SFXN3: variants seen among roughly 807,000 people sequenced by gnomAD.
SFXN3 encodes sideroflexin 3.
In SFXN3, 31 loss-of-function variants were observed where a neutral mutation model predicts 40.4. The ratio of observed to expected loss-of-function variants is 0.77; its 90% CI spans 0.58 to 1.04. SFXN3 has a LOEUF of 1.04. Ranked by LOEUF, SFXN3 falls within the 50% of genes least tolerant of loss-of-function variation. The pLI, the probability that SFXN3 is intolerant of heterozygous loss-of-function variation, is 0.00. For missense variants in SFXN3, 366 were observed against 408.2 expected (o/e 0.90, Z 0.89); for synonymous variants, 157 against 160.0 (o/e 0.98, Z 0.14).
In SFXN3 at chr10:101,039,854, T is replaced by C; in HGVS notation, c.*269T>C. On this transcript the variant is annotated 3_prime_UTR_variant, in exon 12 of 12. Transcript: ENST00000393459. This position sits in a 1 kb window ranked among gnomAD's most constrained non-coding sequence, Gnocchi z 4.6. ...CATGATACACATGTGTATGTGTACA[T>C]TGGGTCCTGAAAGCTAGAAGCAGGC... 1 of 452,224 alleles carries C rather than the reference T, an allele frequency of 2.2e-6. No individual in the cohort carries two copies. The highest frequency in any genetic ancestry group is 4.0e-6 in the Non-Finnish European group (1 of 249,018). 28.0% of individuals were successfully genotyped at this position (452,224 alleles called of 1,614,324 possible).
At chr10:101,038,229 G>T (rs1408238160) in intron 9 of SFXN3, 2 of 1,098,598 alleles carry the variant, frequency 1.8e-6, no homozygotes, top group African/African-American at 1.6e-5. Flanking sequence ...GGTGGTCCCT[G>T]TGGCCAGAGC....
Position 101,036,964 on chromosome 10 carries a change from C to T in SFXN3, c.594-112C>T. ...ACCCTGGGATCCTCAGGTGGGAGAA[C>T]CAGCCTTTGAGCCTGGGGTGTGTGA... is the stretch of plus-strand genomic sequence containing the variant. On this transcript the variant is annotated intron_variant, in intron 7 of 11. Coordinates refer to ENST00000393459, the Ensembl canonical transcript of SFXN3. The surrounding 1 kb of genome is among the most constrained non-coding windows in gnomAD (Gnocchi z 4.2). 1 of 1,531,572 alleles carries T rather than the reference C, an allele frequency of 6.5e-7. No individual in the cohort carries two copies. The highest frequency in any genetic ancestry group is 1.2e-5 in the South Asian group (1 of 80,040). The allele number at this position is 1,531,572 out of a possible 1,614,324, so 94.9% of individuals were successfully genotyped here.
intron 9 of SFXN3, chr10:101,037,873 T>C (rs1291189939): frequency 2.9e-6 from 3 of 1,048,616 alleles, no homozygotes; most frequent in Non-Finnish European, 3.5e-6. Flanking sequence ...TTGAGTGCCA[T>C]GCACCAGGCA....
In SFXN3 at chr10:101,039,235, C is replaced by T; in HGVS notation, c.869+13C>T. The T allele has an allele frequency of 6.2e-7, 1 of 1,602,554 alleles. No individual in the cohort carries two copies. Among genetic ancestry groups the T allele is most frequent in the South Asian group, 1.1e-5 (1 of 89,388 alleles). On this transcript the variant is annotated intron_variant, in intron 11 of 11. Coordinates refer to ENST00000393459, the Ensembl canonical transcript of SFXN3. This position sits in a 1 kb window ranked among gnomAD's most constrained non-coding sequence, Gnocchi z 4.6. The stretch of plus-strand genomic sequence containing the variant: ...TCCCCCAGAAGAGGTAAGTGCTGTC[C>T]CTGGGCTGGGTGGGGGACTCTGGAT...
intron 2 of SFXN3, 134 bp downstream of exon 2, chr10:101,032,616 G>A (rs1283564416): frequency 1.9e-6 from 2 of 1,037,080 alleles, no homozygotes; most frequent in African/African-American, 1.7e-5. Context: ...GGGCACAAGG[G>A]AGGTTGGGGG....
At chr10:101,031,285 G>A (rs934777329) in exon 1 of SFXN3, 4 of 152,374 alleles carry the variant, frequency 2.6e-5, no homozygotes, top group Non-Finnish European at 4.4e-5. Flanking sequence ...ACCTGGTCCC[G>A]GGCAGCGGAG....
In SFXN3 at chr10:101,036,560, A is replaced by T; in HGVS notation, c.506A>T (p.Lys169Met). The change falls in exon 6 of 12, where the codon AAG (lysine) becomes ATG (methionine). Residue 169 changes from lysine (K) to methionine (M), a missense_variant and splice_region_variant. Transcript: ENST00000393459. The surrounding 1 kb of genome is among the most constrained non-coding windows in gnomAD (Gnocchi z 4.2). ...GCCCTGGGACTCAAATCCCTCACCA[A>T]GGTAAAGGCCCCTCACTCCCCTGAC... 6.2e-7 allele frequency: 1 copy of T among 1,613,962 alleles called. No homozygotes were observed. Among genetic ancestry groups the T allele is most frequent in the Non-Finnish European group, 8.5e-7 (1 of 1,179,930 alleles).
At chr10:101,033,959 G>A (rs775873485) in intron 2 of SFXN3, among the ~76,000 whole-genome samples, 43 of 151,996 alleles carry the variant, frequency 2.8e-4, no homozygotes, top group Non-Finnish European at 4.9e-4. Context: ...ACCATAGGGC[G>A]GTTTTTCTCC....
In SFXN3 at chr10:101,039,936, G is replaced by A. The variant is rs1296762893; in HGVS notation, c.*351G>A. The A allele has an allele frequency of 7.9e-6, 2 of 253,308 alleles. No individual in the cohort carries two copies. Among genetic ancestry groups the A allele is most frequent in the East Asian group, 8.0e-5 (1 of 12,502 alleles). 15.7% of individuals were successfully genotyped at this position (253,308 alleles called of 1,614,324 possible). A position where few individuals can be genotyped will look rare whatever the true frequency, so the allele number is the denominator to read the frequency against. ...TCCCTTCTCAGCCTCATGTCCACCTGCCTGCCAGCCAGGCTACAGGTGTGA... is the reference window on the plus strand; with the variant it reads ...TCCCTTCTCAGCCTCATGTCCACCTACCTGCCAGCCAGGCTACAGGTGTGA... On this transcript the variant is annotated 3_prime_UTR_variant, in exon 12 of 12. Coordinates refer to ENST00000393459, the Ensembl canonical transcript of SFXN3. This position sits in a 1 kb window ranked among gnomAD's most constrained non-coding sequence, Gnocchi z 4.6.
exon 2 of SFXN3, chr10:101,032,482 C>T (rs867132968): frequency 2.6e-6 from 4 of 1,545,032 alleles, no homozygotes; most frequent in Non-Finnish European, 3.5e-6. Context: ...CGATGGAAAG[C>T]GTAAGTGCTC....
At chr10:101,037,958 C>A in intron 9 of SFXN3, 2 of 633,996 alleles carry the variant, frequency 3.2e-6, no homozygotes, top group Non-Finnish European at 4.0e-6. Flanking sequence ...TAGTCTGATG[C>A]AGAAACCAAT....
chr10:101,038,393 C>T, intron 9 of SFXN3: 1 of 1,401,534 alleles, frequency 7.1e-7, no homozygotes, highest in Non-Finnish European at 9.3e-7. Flanking sequence ...CCAGGGAGTG[C>T]CATGGCAACC....
At chr10:101,037,352 T>C (rs1345706690) in intron 8 of SFXN3, 30 bp from the exon 9 acceptor site, 1 of 1,614,114 alleles carries the variant, frequency 6.2e-7, no homozygotes, top group Admixed American at 1.7e-5. Context: ...ACTACTAATG[T>C]TCTCCTTCTT....
At chr10:101,035,858 G>A in intron 4 of SFXN3, 145 bp from the exon 5 acceptor site, 3 of 1,076,282 alleles carry the variant, frequency 2.8e-6, no homozygotes, top group East Asian at 2.5e-5. Context: ...GGGGGTGGGG[G>A]TACATAGGGG....
Position 101,039,222 on chromosome 10 carries a change from G to C in SFXN3, c.869G>C (p.Ser290Thr). 2 of 1,603,928 alleles carry C rather than the reference G, an allele frequency of 1.2e-6. No homozygotes were observed. The highest frequency in any genetic ancestry group is 1.7e-6 in the Non-Finnish European group (2 of 1,175,062). Residue 290 changes from serine to threonine, a missense_variant and splice_region_variant, in exon 11 of 12, where the codon AGC becomes ACC. By Grantham distance (58) the Ser-to-Thr change is moderately conservative (BLOSUM62 1). Transcript: ENST00000393459. This position sits in a 1 kb window ranked among gnomAD's most constrained non-coding sequence, Gnocchi z 4.6. ...TGCTGTGCCCTATTCCCCCAGAAGA[G>C]GTAAGTGCTGTCCCTGGGCTGGGTG...
In SFXN3 at chr10:101,036,618, C is replaced by A; in HGVS notation, c.507+57C>A. ...TTCATCCTCTATCTGCCTCCTTCTT[C>A]CTCATCACACCTCCAGTTCTGACCT... On this transcript the variant is annotated intron_variant, in intron 6 of 11. Coordinates refer to ENST00000393459, the Ensembl canonical transcript of SFXN3. This position sits in a 1 kb window ranked among gnomAD's most constrained non-coding sequence, Gnocchi z 4.2. 6.2e-7 allele frequency: 1 copy of A among 1,613,002 alleles called. No homozygotes were observed.
intron 4 of SFXN3, 63 bp downstream of exon 4, chr10:101,035,730 C>A: frequency 6.5e-7 from 1 of 1,545,344 alleles, no homozygotes; most frequent in South Asian, 1.3e-5. Context: ...TGACTAGGTG[C>A]GCTTCTTGTC....
Position 101,039,568 on chromosome 10 carries a change from TACA to T in SFXN3, c.954_956del (p.Asn318del). 3 of 1,614,098 alleles carry T rather than the reference TACA, an allele frequency of 1.9e-6. No individual in the cohort carries two copies. Among genetic ancestry groups the T allele is most frequent in the African/African-American group, 1.3e-5 (1 of 75,032 alleles). Reference sequence around the variant, plus strand: ...AAACCCCAGCGTTGAAGTGGTCTACTACAACAAGGGGCTTTGAGGAGGGTCAGC... The same window carrying T: ...AAACCCCAGCGTTGAAGTGGTCTACTACAAGGGGCTTTGAGGAGGGTCAGC... On this transcript the variant is annotated inframe_deletion, in exon 12 of 12. Coordinates refer to ENST00000393459, the Ensembl canonical transcript of SFXN3. The surrounding 1 kb of genome is among the most constrained non-coding windows in gnomAD (Gnocchi z 4.6).
chr10:101,037,153 G>C (rs1242753275), exon 8 of SFXN3: 6 of 1,613,886 alleles, frequency 3.7e-6, no homozygotes, highest in Non-Finnish European at 5.1e-6. Flanking sequence ...GCCAAGCAGG[G>C]AATCTTCCAG....
Sources: allele counts gnomAD v4.1 joint callset (sites outside exome capture counted in the v4.1 genomes callset), GRCh38; gene constraint gnomAD v4.1.1; non-coding constraint Gnocchi (gnomAD v3.1); transcripts MANE v1.5; gene names NCBI Gene and HGNC (gene_info 2026-07-23, HGNC 2026-07-21).